The following IRAG1 variants were observed in gnomAD, a reference collection of about 807,000 sequenced individuals.
IRAG1 encodes IP3R-associated cGMP kinase substrate.
A neutral mutation model predicts 106.2 loss-of-function variants in IRAG1; 62 were observed. That is an observed-to-expected ratio of 0.58 (90% CI 0.48 to 0.72). The LOEUF is 0.72. Among genes scored for constraint, IRAG1 ranks in the 30% least tolerant of loss-of-function variants. IRAG1 has a pLI of 0.00. For missense variants in IRAG1, 1,064 were observed against 1,140.7 expected (o/e 0.93, Z 0.97); for synonymous variants, 462 against 443.9 (o/e 1.04, Z -0.51).
intron 2 of IRAG1, among the ~76,000 whole-genome samples, chr11:10,637,207 C>G (rs371620957): frequency 3.6e-4 from 55 of 152,312 alleles, no homozygotes; most frequent in African/African-American, 1.3e-3. Context: ...TATAGGAATT[C>G]TGAGGAGCTC....
At chr11:10,689,186 C>T (rs996227473) in intron 1 of IRAG1, among the ~76,000 whole-genome samples, 1 of 146,276 alleles carries the variant, frequency 6.8e-6, no homozygotes, top group South Asian at 2.4e-4. Flanking sequence ...TTAGCTAAGG[C>T]CTGCTCTCAT....
chr11:10,629,492 C>T, intron 5 of IRAG1, 46 bp downstream of exon 5: 1 of 1,587,694 alleles, frequency 6.3e-7, no homozygotes, highest in Non-Finnish European at 8.6e-7. Flanking sequence ...TCCCTCCCGA[C>T]CCTAGAGGGG....
chr11:10,628,424 C>G lies in IRAG1; in HGVS notation c.652+327G>C, dbSNP rs1856431271. On this transcript the variant is annotated intron_variant, in intron 6 of 20. Coordinates refer to ENST00000423302, the MANE Select transcript of IRAG1 (RefSeq NM_130385.4). This position sits in a 1 kb window ranked among gnomAD's most constrained non-coding sequence, Gnocchi z 4.1. ...GGGAAGAAGTCAGACCCCAAAGAGGCCTTTCTGTATAAGCTCTTGAGGGCT... is the reference window on the plus strand; with the variant it reads ...GGGAAGAAGTCAGACCCCAAAGAGGGCTTTCTGTATAAGCTCTTGAGGGCT... Among the ~76,000 whole-genome samples, 1 of 152,196 alleles carries G rather than the reference C, an allele frequency of 6.6e-6. No individual in the cohort carries two copies. The highest frequency in any genetic ancestry group is 1.5e-5 in the Non-Finnish European group (1 of 68,030).
At chr11:10,602,411 G>A (rs1255813683) in intron 14 of IRAG1, among the ~76,000 whole-genome samples, 1 of 152,170 alleles carries the variant, frequency 6.6e-6, no homozygotes, top group Non-Finnish European at 1.5e-5. Flanking sequence ...CTGAAGCAGA[G>A]AAACCTCAGT....
intron 10 of IRAG1, among the ~76,000 whole-genome samples, chr11:10,619,899 A>T (rs1325021796): frequency 2.0e-5 from 3 of 152,246 alleles, no homozygotes; most frequent in East Asian, 3.9e-4. Flanking sequence ...TTTTATTTTT[A>T]AAATTTGGTG....
chr11:10,634,270 G>A (rs1856963591), intron 2 of IRAG1, among the ~76,000 whole-genome samples, 199 bp from the exon 3 acceptor site: 1 of 152,182 alleles, frequency 6.6e-6, no homozygotes, highest in Non-Finnish European at 1.5e-5. Flanking sequence ...GGCACACAAT[G>A]CGATGTTTTC....
At chr11:10,687,813 A>T (rs1239591265) in intron 1 of IRAG1, 4 of 1,287,974 alleles carry the variant, frequency 3.1e-6, no homozygotes, top group Non-Finnish European at 4.0e-6. Flanking sequence ...AAATAATAAG[A>T]CCTAATGTAT....
At chr11:10,655,410 G>A (rs1858837700) in intron 1 of IRAG1, among the ~76,000 whole-genome samples, 1 of 152,190 alleles carries the variant, frequency 6.6e-6, no homozygotes, top group Non-Finnish European at 1.5e-5. Flanking sequence ...CTTCTCAGAT[G>A]TTTGGAAAGC....
chr11:10,578,862 C>A (rs377182859), intron 20 of IRAG1, among the ~76,000 whole-genome samples: 220 of 151,820 alleles, frequency 1.4e-3, no homozygotes, highest in African/African-American at 5.0e-3. Flanking sequence ...CTGTTTATTT[C>A]TCTTTTGTTC....
intron 1 of IRAG1, among the ~76,000 whole-genome samples, chr11:10,682,761 T>G (rs1031680891): frequency 6.6e-6 from 1 of 152,210 alleles, no homozygotes; most frequent in Non-Finnish European, 1.5e-5. Context: ...GGTGATGACA[T>G]TCTTTGAAGA....
Position 10,646,110 on chromosome 11 carries a change from C to T in IRAG1, c.225+5915G>A, listed in dbSNP as rs575217659. On this transcript the variant is annotated intron_variant, in intron 2 of 20. Coordinates refer to ENST00000423302, the MANE Select transcript of IRAG1 (RefSeq NM_130385.4). ...ATACCTTACATTTCTATGAGCCTTT[C>T]CTGTACCTTCTGGAACTCCCTGGCT... Among the ~76,000 whole-genome samples the T allele has an allele frequency of 5.1e-4, 77 of 152,322 alleles. 2 individuals carry two copies. In the South Asian group the frequency reaches 0.016, roughly 31 times the overall value.
chr11:10,692,282 G>A (rs10840472), intron 1 of IRAG1, among the ~76,000 whole-genome samples: 31,712 of 152,006 alleles, frequency 0.21, 3,684 homozygotes, highest in Non-Finnish European at 0.26. Context: ...GTCAAAAATC[G>A]CAAGACACAA....
chr11:10,594,289 G>C, intron 15 of IRAG1, 94 bp from the exon 16 acceptor site: 1 of 1,235,690 alleles, frequency 8.1e-7, no homozygotes, highest in Non-Finnish European at 1.2e-6. Flanking sequence ...CCATGGGCCA[G>C]AACTGGCCCT....
chr11:10,586,282 C>G (rs563880250), intron 18 of IRAG1, among the ~76,000 whole-genome samples: 1 of 152,116 alleles, frequency 6.6e-6, no homozygotes, highest in Non-Finnish European at 1.5e-5. Flanking sequence ...TTGTAGTTTC[C>G]TAAATATCTT....
intron 2 of IRAG1, among the ~76,000 whole-genome samples, chr11:10,644,272 T>C (rs1857767028): frequency 6.6e-6 from 1 of 152,216 alleles, no homozygotes; most frequent in South Asian, 2.1e-4. Context: ...TTTCTTCATC[T>C]AAAAAATAGA....
rs547373907 is a variant in IRAG1, at chr11:10,627,696, G to A, written c.750+20C>T. On this transcript the variant is annotated intron_variant, in intron 8 of 20. Transcript: ENST00000423302. ...CCCCCCACACTCAAATCATCCAAAGGGAGCAAAGCTCAAACTCACAGGCTC... is the reference window on the plus strand; with the variant it reads ...CCCCCCACACTCAAATCATCCAAAGAGAGCAAAGCTCAAACTCACAGGCTC... 1.2e-6 allele frequency: 2 copies of A among 1,613,886 alleles called. No individual in the cohort carries two copies. The highest frequency in any genetic ancestry group is 3.3e-5 in the Admixed American group (2 of 60,016).
intron 2 of IRAG1, among the ~76,000 whole-genome samples, chr11:10,636,144 A>G (rs1391133579): frequency 6.6e-6 from 1 of 152,248 alleles, no homozygotes; most frequent in African/African-American, 2.4e-5. Context: ...TCACAAGGTT[A>G]GTGTGAAGAT....
chr11:10,680,815 G>A (rs1269295727), intron 1 of IRAG1, among the ~76,000 whole-genome samples: 1 of 152,140 alleles, frequency 6.6e-6, no homozygotes, highest in Non-Finnish European at 1.5e-5. Flanking sequence ...TGCCTTTTGT[G>A]ACATAGGGCT....
Position 10,626,168 on chromosome 11 carries a change from A to G in IRAG1, c.1166T>C (p.Leu389Pro). 4 of 1,542,302 alleles carry G rather than the reference A, an allele frequency of 2.6e-6. No homozygotes were observed. The highest frequency in any genetic ancestry group is 3.5e-6 in the Non-Finnish European group (4 of 1,144,006). Residue 389 changes from leucine to proline, a missense_variant, in exon 9 of 21, where the codon CTG becomes CCG. Physicochemically the swap from Leu to Pro is moderately conservative, Grantham distance 98. Coordinates refer to ENST00000423302, the MANE Select transcript of IRAG1 (RefSeq NM_130385.4). ...ELPPTVSRPP[L>P]LRGLSWDSGP... ...ACTGTCCCAGGAGAGCCCTCGCAGC[A>G]GCGGGGGCCGGGACACAGTGGGTGG...
Sources: gnomAD v4.1 joint callset for allele counts (sites outside exome capture counted in the v4.1 genomes callset) on GRCh38, gnomAD v4.1.1 for gene constraint, Gnocchi (gnomAD v3.1) non-coding constraint, MANE v1.5 for transcripts, NCBI Gene and HGNC (gene_info 2026-07-23, HGNC 2026-07-21) for gene names.